The following OSBPL9 variants were observed in gnomAD, a reference collection of about 807,000 sequenced individuals.
OSBPL9 encodes the protein oxysterol binding protein like 9.
A neutral mutation model predicts 106.6 loss-of-function variants in OSBPL9; 40 were observed. That is an observed-to-expected ratio of 0.38 (90% confidence interval 0.29 to 0.49). The LOEUF (loss-of-function observed/expected upper bound fraction) is 0.49. Ranked by LOEUF, OSBPL9 falls within the 20% of genes least tolerant of loss-of-function variation. The probability of loss-of-function intolerance (pLI) is 0.97; values close to 1 mark genes in which losing one functional copy is unlikely to be tolerated. For synonymous variants in OSBPL9, 269 were observed against 295.4 expected (o/e 0.91, Z 0.92); for missense variants, 609 against 887.2 (o/e 0.69, Z 3.98).
intron 3 of OSBPL9, among the ~76,000 whole-genome samples, chr1:51,696,614 T>C (rs1656068466): frequency 6.6e-6 from 1 of 152,186 alleles, no homozygotes; most frequent in Non-Finnish European, 1.5e-5. Flanking sequence ...ACCCAAACTT[T>C]AATGAGATTT....
rs1193077947 is a variant in OSBPL9, at chr1:51,617,236, G to A, written c.111+15G>A. ...CCTACTACACGGTGAGTCCTTGGAG[G>A]GCACAGCTCCAGGCGCCTCGGGGCC... On this transcript the variant is annotated intron_variant, in intron 1 of 23. Coordinates refer to ENST00000428468, the MANE Select transcript of OSBPL9 (RefSeq NM_024586.6). 1 of 1,595,572 alleles carries A rather than the reference G, an allele frequency of 6.3e-7. No homozygotes were observed. Among genetic ancestry groups the A allele is most frequent in the African/African-American group, 1.3e-5 (1 of 74,398 alleles).
Position 51,685,666 on chromosome 1 carries a change from G to A in OSBPL9, c.241+16154G>A, listed in dbSNP as rs551753417. 1.1e-4 allele frequency among the ~76,000 whole-genome samples: 16 copies of A among 152,194 alleles called. No homozygotes were observed. The South Asian group carries it at 2.7e-3, about 26-fold the overall frequency. ...GCCCGCCTTGGCCTCCCAAAGTGCC[G>A]GGATTACAGGCGTGATTCACTGCAC... On this transcript the variant is annotated intron_variant, in intron 3 of 23. Transcript: ENST00000428468.
At chr1:51,753,305 G>A (rs1043757920) in intron 8 of OSBPL9, among the ~76,000 whole-genome samples, 5 of 152,100 alleles carry the variant, frequency 3.3e-5, no homozygotes, top group Non-Finnish European at 5.9e-5. Context: ...CTGTGCTTTG[G>A]TTTATATTCC....
chr1:51,739,614 A>G (rs1234164168), intron 4 of OSBPL9, among the ~76,000 whole-genome samples: 2 of 152,018 alleles, frequency 1.3e-5, no homozygotes, highest in Admixed American at 6.6e-5. Context: ...ACTAGGCTCA[A>G]TTTTATGGAT....
chr1:51,770,611 C>G (rs772571869), intron 12 of OSBPL9, among the ~76,000 whole-genome samples: 2 of 152,134 alleles, frequency 1.3e-5, no homozygotes, highest in Non-Finnish European at 2.9e-5. Context: ...TTTGATTTCT[C>G]TTACCTGTAT....
intron 2 of OSBPL9, among the ~76,000 whole-genome samples, chr1:51,601,101 A>T (rs890545600): frequency 6.6e-6 from 1 of 152,166 alleles, no homozygotes; most frequent in African/African-American, 2.4e-5. Context: ...TAGGAAAAGG[A>T]TGTGTTCAAA....
chr1:51,524,737 C>T, the OSBPL9 span, among the ~76,000 whole-genome samples: 2 of 152,174 alleles, frequency 1.3e-5, no homozygotes, highest in African/African-American at 4.8e-5. Context: ...TCCCCAAAGG[C>T]CATTGGCTTC....
At chr1:51,535,202 T>C in the OSBPL9 span, among the ~76,000 whole-genome samples, 14 of 152,208 alleles carry the variant, frequency 9.2e-5, no homozygotes, top group African/African-American at 3.4e-4. Flanking sequence ...CAAGTGGTGG[T>C]GGCCCAAATG....
At chr1:51,646,320 A>G (rs549240118) in intron 1 of OSBPL9, among the ~76,000 whole-genome samples, 1 of 152,248 alleles carries the variant, frequency 6.6e-6, no homozygotes, top group South Asian at 2.1e-4. Flanking sequence ...TTCAGTGTAC[A>G]AGTCTTATGC....
At chr1:51,628,512 A>C (rs1644907322) in intron 1 of OSBPL9, among the ~76,000 whole-genome samples, 1 of 151,462 alleles carries the variant, frequency 6.6e-6, no homozygotes, top group South Asian at 2.1e-4. Context: ...TGAACCCGGG[A>C]GGTGAAGGTT....
intron 1 of OSBPL9, among the ~76,000 whole-genome samples, chr1:51,636,155 T>TG (rs1645430477): frequency 7.5e-6 from 1 of 133,678 alleles, no homozygotes; most frequent in South Asian, 2.4e-4. Flanking sequence ...CTCTCTTGTT[T>TG]TTTTTTTTTT....
At chr1:51,779,860 G>A (rs533574237) in intron 15 of OSBPL9, among the ~76,000 whole-genome samples, 5 of 152,044 alleles carry the variant, frequency 3.3e-5, no homozygotes, top group South Asian at 2.1e-4. Context: ...GGTGGATCAC[G>A]AGGTCAGGAG....
chr1:51,564,041 C>T, the OSBPL9 span, among the ~76,000 whole-genome samples: 6 of 4,860 alleles, frequency 1.2e-3, no homozygotes, highest in Admixed American at 0.017. Flanking sequence ...GGTGACAGAG[C>T]GAGATCATCT....
At chr1:51,786,199 T>C (rs1388313675) in intron 21 of OSBPL9, 8 of 443,128 alleles carry the variant, frequency 1.8e-5, no homozygotes, top group African/African-American at 1.2e-4. Flanking sequence ...GTTAGGTATG[T>C]GGCGTATGTT....
chr1:51,547,152 A>G, the OSBPL9 span, among the ~76,000 whole-genome samples: 1 of 152,252 alleles, frequency 6.6e-6, no homozygotes, highest in African/African-American at 2.4e-5. Context: ...CCTGGGATAT[A>G]TCCCAAAGAA....
intron 14 of OSBPL9, 73 bp from the exon 15 acceptor site, chr1:51,776,760 C>CTTTT (rs57902123): frequency 1.1e-5 from 9 of 803,408 alleles, no homozygotes; most frequent in Non-Finnish European, 1.5e-5. Context: ...GTTTTGTTTT[C>CTTTT]TTTTTTTTTT....
At chr1:51,669,645 G>T in intron 3 of OSBPL9, 133 bp downstream of exon 3, 1 of 761,124 alleles carries the variant, frequency 1.3e-6, no homozygotes, top group Non-Finnish European at 2.2e-6. Flanking sequence ...GAACATTCTG[G>T]ATGAAGTGGT....
intron 1 of OSBPL9, among the ~76,000 whole-genome samples, chr1:51,619,920 T>C (rs551436775): frequency 6.6e-6 from 1 of 152,340 alleles, no homozygotes; most frequent in South Asian, 2.1e-4. Flanking sequence ...CATAACTTTA[T>C]TTCTTGTTTC....
intron 1 of OSBPL9, among the ~76,000 whole-genome samples, chr1:51,628,560 G>A (rs1317133352): frequency 6.6e-6 from 1 of 150,576 alleles, no homozygotes; most frequent in Non-Finnish European, 1.5e-5. Flanking sequence ...CCCCAGCCTG[G>A]GCGACAGAGC....
Sources: allele counts gnomAD v4.1 joint callset (sites outside exome capture counted in the v4.1 genomes callset), GRCh38; gene constraint gnomAD v4.1.1; transcripts MANE v1.5; gene names NCBI Gene and HGNC (gene_info 2026-07-23, HGNC 2026-07-21).